FMNL3: variants seen among roughly 807,000 people sequenced by gnomAD.
FMNL3 encodes formin-like protein 3.
A neutral mutation model predicts 119.6 loss-of-function variants in FMNL3; 57 were observed. The observed-to-expected ratio is 0.48, with a 90% CI of 0.39 to 0.59. The LOEUF is 0.59. Among genes scored for constraint, FMNL3 ranks in the 20% least tolerant of loss-of-function variants. FMNL3 has a pLI of 0.00. For synonymous variants in FMNL3, 491 were observed against 507.3 expected, an observed-to-expected ratio of 0.97 and a Z score of 0.43; for missense variants, 1,053 against 1,323.5, an observed-to-expected ratio of 0.80 and a Z score of 3.17.
intron 9 of FMNL3, 117 bp downstream of exon 9, chr12:49,656,287 C>T: frequency 5.5e-6 from 4 of 724,502 alleles, no homozygotes; most frequent in Non-Finnish European, 9.0e-6. Flanking sequence ...GGCTGCTTGG[C>T]CAAGCATTGG....
At chr12:49,680,586 A>C (rs918294566) in intron 1 of FMNL3, among the ~76,000 whole-genome samples, 1 of 152,152 alleles carries the variant, frequency 6.6e-6, no homozygotes, top group Non-Finnish European at 1.5e-5. Context: ...GCTATTTTTG[A>C]GTTGTTCCAG....
At chr12:49,656,368 A>AACAC (rs139157446) in intron 9 of FMNL3, 36 bp downstream of exon 9, 10 of 1,480,098 alleles carry the variant, frequency 6.8e-6, no homozygotes, top group Admixed American at 1.8e-5. Flanking sequence ...CTCCCCCGCA[A>AACAC]ACACACACAC....
chr12:49,659,898 C>T (rs939395151), intron 5 of FMNL3: 3 of 985,352 alleles, frequency 3.0e-6, no homozygotes, highest in East Asian at 2.3e-4. Context: ...CTTACAGGTT[C>T]TTCTCCCCCA....
chr12:49,637,645 C>A lies in FMNL3; in HGVS notation c.*8170G>T. 1 of 1,566,386 alleles carries A rather than the reference C, an allele frequency of 6.4e-7. No individual in the cohort carries two copies. Among genetic ancestry groups the A allele is most frequent in the Non-Finnish European group, 8.8e-7 (1 of 1,140,374 alleles). On this transcript the variant is annotated 3_prime_UTR_variant, in exon 26 of 26. Coordinates refer to ENST00000335154, the MANE Select transcript of FMNL3 (RefSeq NM_175736.5). ...TTCCTGCCCTGCCAGCCTCTCTGCA[C>A]CCCCTACTACCGGCTCCTGTCCTCG...
Position 49,651,570 on chromosome 12 carries a change from G to A in FMNL3, c.1604-120C>T, listed in dbSNP as rs1403342578. ...AAAAAAAAAAAAACTCTCAGAGAAG[G>A]AGCCTACATGAACTCTGCTCAAGCT... On this transcript the variant is annotated intron_variant, in intron 14 of 25. Coordinates refer to ENST00000335154, the MANE Select transcript of FMNL3 (RefSeq NM_175736.5). 5 of 886,626 alleles carry A rather than the reference G, an allele frequency of 5.6e-6. No homozygotes were observed. In the African/African-American group the frequency reaches 8.6e-5, roughly 15 times the overall value. 54.9% of individuals were successfully genotyped at this position (886,626 alleles called of 1,614,324 possible).
intron 21 of FMNL3, 72 bp from the exon 22 acceptor site, chr12:49,648,425 A>T (rs541082880): frequency 6.7e-7 from 1 of 1,494,278 alleles, no homozygotes; most frequent in African/African-American, 1.4e-5. Context: ...GAGCTATATC[A>T]AACTCTGGCC....
At position 49,647,603 on chromosome 12, in the gene FMNL3, G is replaced by C; in HGVS notation, c.2778+100C>G. On this transcript the variant is annotated intron_variant, in intron 23 of 25. Coordinates refer to ENST00000335154, the MANE Select transcript of FMNL3 (RefSeq NM_175736.5). The surrounding 1 kb of genome is among the most constrained non-coding windows in gnomAD (Gnocchi z 4.9). ...TTGCATCGCTCCCTTCCCAGGACTC[G>C]GAGGAGGAGTCGGAAAAGGCCCATA... 8.9e-7 allele frequency: 1 copy of C among 1,123,044 alleles called. No homozygotes were observed. The highest frequency in any genetic ancestry group is 1.3e-6 in the Non-Finnish European group (1 of 756,898). The allele number at this position is 1,123,044 out of a possible 1,614,324, so 69.6% of individuals were successfully genotyped here.
chr12:49,651,318 A>G, intron 15 of FMNL3, 26 bp from the exon 16 acceptor site: 1 of 1,608,088 alleles, frequency 6.2e-7, no homozygotes, highest in Non-Finnish European at 8.5e-7. Flanking sequence ...GATCAGTGAC[A>G]CAGGGGCCAA....
chr12:49,666,527 T>C (rs1358777967), intron 2 of FMNL3, among the ~76,000 whole-genome samples: 1 of 152,126 alleles, frequency 6.6e-6, no homozygotes, highest in Non-Finnish European at 1.5e-5. Flanking sequence ...GCACCCAAAA[T>C]AAAGATATAA....
intron 12 of FMNL3, 70 bp from the exon 13 acceptor site, chr12:49,653,397 GT>G: frequency 1.3e-6 from 2 of 1,508,100 alleles, no homozygotes; most frequent in Non-Finnish European, 1.8e-6. Context: ...CTGAACCCTA[GT>G]CAAGACCTGA....
rs1261706034 is a variant in FMNL3, at chr12:49,698,687, GACA to G, written c.126+8365_126+8367del. 5.3e-5 allele frequency among the ~76,000 whole-genome samples: 8 copies of G among 152,254 alleles called. 1 individual carries two copies. The East Asian group carries it at 1.5e-3, about 29-fold the overall frequency. Reference sequence around the variant, plus strand: ...AGTAGAGAGGAAAGTGGGAGGCAAAGACAACAAGAGTATCTCCAGGACACAGAG... The same window carrying G: ...AGTAGAGAGGAAAGTGGGAGGCAAAGACAAGAGTATCTCCAGGACACAGAG... On this transcript the variant is annotated intron_variant, in intron 1 of 25. Coordinates refer to ENST00000335154, the MANE Select transcript of FMNL3 (RefSeq NM_175736.5).
intron 1 of FMNL3, among the ~76,000 whole-genome samples, chr12:49,694,416 A>G (rs941555503): frequency 6.6e-6 from 1 of 152,144 alleles, no homozygotes; most frequent in Non-Finnish European, 1.5e-5. Flanking sequence ...ATTATTCCTT[A>G]CATGCACCTT....
intron 1 of FMNL3, among the ~76,000 whole-genome samples, chr12:49,695,646 C>T (rs1944730329): frequency 1.3e-5 from 2 of 152,236 alleles, no homozygotes; most frequent in South Asian, 4.1e-4. Context: ...TCCAGGCAGT[C>T]GGTAAGGACC....
At chr12:49,690,960 T>C (rs911515466) in intron 1 of FMNL3, among the ~76,000 whole-genome samples, 10 of 152,304 alleles carry the variant, frequency 6.6e-5, no homozygotes, top group African/African-American at 2.4e-4. Flanking sequence ...GGAGGATCAC[T>C]TGAGCCCAGG....
In FMNL3 at chr12:49,658,383, C is replaced by T. The variant is rs115789125; in HGVS notation, c.605+59G>A. The T allele has an allele frequency of 1.7e-4, 257 of 1,526,244 alleles. No individual in the cohort carries two copies. In the African/African-American group the frequency reaches 3.0e-3, roughly 18 times the overall value. The allele number at this position is 1,526,244 out of a possible 1,614,324, so 94.5% of individuals were successfully genotyped here. On this transcript the variant is annotated intron_variant, in intron 6 of 25. Transcript: ENST00000335154. ...GAGCATGAGCACTCACTGCTGAACC[C>T]GAGACCTGCACTGAAGGGTAGGGTG... is the stretch of plus-strand genomic sequence containing the variant.
Position 49,649,739 on chromosome 12 carries a change from G to T in FMNL3, c.2187C>A (p.Gly729=), listed in dbSNP as rs779258568. The T allele has an allele frequency of 1.2e-6, 2 of 1,614,098 alleles. No homozygotes were observed. Among genetic ancestry groups the T allele is most frequent in the Non-Finnish European group, 1.7e-6 (2 of 1,180,050 alleles). The change falls in exon 18 of 26, where the codon GGC becomes GGA. Residue 729 remains glycine (G), a synonymous_variant. Transcript: ENST00000335154. This position sits in a 1 kb window ranked among gnomAD's most constrained non-coding sequence, Gnocchi z 5.6. ...CCTGGAAGTTCCCCAGGAAGGCCAT[G>T]CCAGCCATTCGCTGGGTCAACCGTT... The part of the protein sequence containing the change: ...KVERLTQRMA[G]MAFLGNFQDN...
chr12:49,653,165 G>A, intron 13 of FMNL3, 61 bp downstream of exon 13: 2 of 1,491,786 alleles, frequency 1.3e-6, no homozygotes, highest in East Asian at 2.3e-5. Context: ...AAAAAAAGCA[G>A]AACCCCAAGG....
intron 1 of FMNL3, among the ~76,000 whole-genome samples, chr12:49,684,278 C>T (rs1944405253): frequency 6.6e-6 from 1 of 152,146 alleles, no homozygotes; most frequent in African/African-American, 2.4e-5. Context: ...CTTAACCATT[C>T]TCAGTTCACC....
At chr12:49,701,677 T>C (rs1400309734) in intron 1 of FMNL3, among the ~76,000 whole-genome samples, 2 of 152,158 alleles carry the variant, frequency 1.3e-5, no homozygotes, top group East Asian at 3.8e-4. Context: ...ATCCCAGCAC[T>C]TTGGGAGGCC....
Sources: gnomAD v4.1 joint callset for allele counts (sites outside exome capture counted in the v4.1 genomes callset) on GRCh38, gnomAD v4.1.1 for gene constraint, Gnocchi (gnomAD v3.1) non-coding constraint, MANE v1.5 for transcripts, NCBI Gene and HGNC (gene_info 2026-07-23, HGNC 2026-07-21) for gene names.